DNAH7: variants seen among roughly 807,000 people sequenced by gnomAD.
DNAH7 encodes dynein axonemal heavy chain 7.
DNAH7 carries 397 observed loss-of-function variants against 444.6 expected under a neutral mutation model. The observed-to-expected ratio is 0.89, with a 90% CI of 0.82 to 0.97. The LOEUF is 0.97. Ranked by LOEUF, DNAH7 falls within the 50% of genes least tolerant of loss-of-function variation. DNAH7 has a pLI of 0.00. For missense variants in DNAH7, 4,902 were observed against 4,800.8 expected (o/e 1.02, Z -0.62); for synonymous variants, 1,636 against 1,624.4 (o/e 1.01, Z -0.17).
chr2:195,878,759 A>G (rs1701201435), intron 36 of DNAH7, among the ~76,000 whole-genome samples: 1 of 152,224 alleles, frequency 6.6e-6, no homozygotes, highest in Admixed American at 6.5e-5. Flanking sequence ...TAATTAATAT[A>G]AAAAACTTCC....
Position 195,960,283 on chromosome 2 carries a change from A to G in DNAH7, c.2868T>C (p.Ile956=). Residue 956 remains isoleucine (I), a synonymous_variant, in exon 18 of 65, where the codon ATT becomes ATC. Transcript: ENST00000312428. ...ACCTCATTTGTTTTTCATAAGGCTT[A>G]ATGAAAGGAGATCCTCGCATAGTTT... ...KTQTMRGSPF[I]KPYEKQMREW... The G allele has an allele frequency of 6.2e-7, 1 of 1,611,682 alleles. No individual in the cohort carries two copies. The highest frequency in any genetic ancestry group is 8.5e-7 in the Non-Finnish European group (1 of 1,178,926).
At chr2:195,986,995 T>C (rs1692953003) in intron 14 of DNAH7, 71 bp downstream of exon 14, 9 of 1,337,454 alleles carry the variant, frequency 6.7e-6, no homozygotes, top group Non-Finnish European at 9.0e-6. Flanking sequence ...TCAATTACTC[T>C]AGTTGAGTGA....
At chr2:195,884,918 T>A in intron 34 of DNAH7, 109 bp from the exon 35 acceptor site, 1 of 826,756 alleles carries the variant, frequency 1.2e-6, no homozygotes, top group Non-Finnish European at 1.8e-6. Flanking sequence ...AGGAAACACG[T>A]AAGCTCAAAT....
At chr2:195,747,242 A>G (rs890420015) in intron 63 of DNAH7, among the ~76,000 whole-genome samples, 145 of 152,316 alleles carry the variant, frequency 9.5e-4, no homozygotes, top group African/African-American at 3.4e-3. Context: ...TAAACTAGAA[A>G]ATCTAGAAGA....
In DNAH7 at chr2:195,884,759, A is replaced by C. The variant is rs761729937; in HGVS notation, c.5589T>G (p.Asp1863Glu). ...TCTTATTAAATTTCAATCGATCATC[A>C]TCTGTACAAGAAGCACCAACGGACC... ...LIWSVGASCT[D>E]DDRLKFNKIL... The change falls in exon 35 of 65, where the codon GAT becomes GAG. Residue 1863 changes from aspartate (D) to glutamate (E), a missense_variant. Physicochemically the swap from Asp to Glu is conservative, Grantham distance 45. Transcript: ENST00000312428. The C allele has an allele frequency of 6.2e-7, 1 of 1,613,946 alleles. No homozygotes were observed. The highest frequency in any genetic ancestry group is 8.5e-7 in the Non-Finnish European group (1 of 1,180,032).
chr2:195,756,312 A>G (rs372890943), intron 61 of DNAH7, 27 bp from the exon 62 acceptor site: 7 of 1,572,656 alleles, frequency 4.5e-6, no homozygotes, highest in Non-Finnish European at 6.1e-6. Context: ...CTTGGTTAAT[A>G]TAATAGTATA....
At chr2:195,927,196 C>T (rs1041858406) in intron 21 of DNAH7, among the ~76,000 whole-genome samples, 19 of 152,134 alleles carry the variant, frequency 1.2e-4, no homozygotes, top group African/African-American at 4.6e-4. Context: ...TGGACTGATA[C>T]ATCTACTTTT....
intron 17 of DNAH7, among the ~76,000 whole-genome samples, chr2:195,968,578 C>T (rs1467945725): frequency 1.3e-5 from 2 of 152,060 alleles, no homozygotes; most frequent in Admixed American, 6.6e-5. Context: ...AGCTACACTG[C>T]TTAGGGTTGG....
At chr2:195,854,367 G>A (rs757816012) in intron 45 of DNAH7, among the ~76,000 whole-genome samples, 1 of 152,136 alleles carries the variant, frequency 6.6e-6, no homozygotes, top group Non-Finnish European at 1.5e-5. Flanking sequence ...TTTGGAATAG[G>A]AATTTGGCTT....
intron 2 of DNAH7, among the ~76,000 whole-genome samples, chr2:196,054,041 A>G (rs1697650682): frequency 6.6e-6 from 1 of 152,178 alleles, no homozygotes; most frequent in Non-Finnish European, 1.5e-5. Flanking sequence ...TAAGTCTCTG[A>G]GATTTCGACT....
chr2:195,820,959 A>G (rs1226829323), intron 49 of DNAH7, among the ~76,000 whole-genome samples: 1 of 152,190 alleles, frequency 6.6e-6, no homozygotes, highest in Non-Finnish European at 1.5e-5. Flanking sequence ...TAGTCTATGA[A>G]GTACCTTGTG....
chr2:195,964,876 C>CAA (rs556506471), intron 17 of DNAH7, among the ~76,000 whole-genome samples: 1,756 of 126,938 alleles, frequency 0.014, 30 homozygotes, highest in East Asian at 0.078. Context: ...GACTCCGTCT[C>CAA]AAAAAAAAAA....
At chr2:195,948,838 T>C (rs1034089933) in intron 19 of DNAH7, among the ~76,000 whole-genome samples, 1 of 152,184 alleles carries the variant, frequency 6.6e-6, no homozygotes, top group African/African-American at 2.4e-5. Context: ...AGAAAGTCAA[T>C]AGCAGCTTGA....
At chr2:195,958,614 T>G (rs1299981812) in intron 18 of DNAH7, among the ~76,000 whole-genome samples, 1 of 152,202 alleles carries the variant, frequency 6.6e-6, no homozygotes, top group Admixed American at 6.5e-5. Flanking sequence ...GTGGCACTCA[T>G]GAGAAGGTGG....
chr2:195,911,496 C>G (rs1048938781), intron 24 of DNAH7, among the ~76,000 whole-genome samples: 2 of 151,218 alleles, frequency 1.3e-5, no homozygotes, highest in Admixed American at 1.3e-4. Flanking sequence ...TTTCAGAATT[C>G]AAGAAAAACA....
At chr2:195,796,782 A>G (rs553420213) in intron 55 of DNAH7, 45 bp from the exon 56 acceptor site, 8 of 1,564,422 alleles carry the variant, frequency 5.1e-6, no homozygotes, top group Admixed American at 1.9e-5. Context: ...TCACATTTTA[A>G]GAAACATCAA....
chr2:195,831,106 GT>G (rs141782175), intron 48 of DNAH7, among the ~76,000 whole-genome samples: 84 of 148,228 alleles, frequency 5.7e-4, no homozygotes, highest in East Asian at 1.8e-3. Flanking sequence ...TTGATACAAA[GT>G]TTTTTTTTTA....
chr2:195,828,211 G>A (rs542777705), intron 48 of DNAH7, among the ~76,000 whole-genome samples: 5 of 152,272 alleles, frequency 3.3e-5, no homozygotes, highest in African/African-American at 1.2e-4. Context: ...ATTCCCCATT[G>A]TCTTAAGGTA....
At chr2:195,833,718 G>A (rs1294716303) in intron 48 of DNAH7, among the ~76,000 whole-genome samples, 1 of 151,988 alleles carries the variant, frequency 6.6e-6, no homozygotes, top group Admixed American at 6.6e-5. Flanking sequence ...ATAATAACCA[G>A]GCACATAAAA....
Sources: allele counts gnomAD v4.1 joint callset (sites outside exome capture counted in the v4.1 genomes callset), GRCh38; gene constraint gnomAD v4.1.1; transcripts MANE v1.5; gene names NCBI Gene and HGNC (gene_info 2026-07-23, HGNC 2026-07-21).